The following TPP2 variants were observed in gnomAD, a reference collection of about 807,000 sequenced individuals.
The protein encoded by TPP2 is tripeptidyl peptidase 2, also known as tripeptidyl-peptidase 2.
TPP2 carries 34 observed loss-of-function variants against 155.9 expected under a neutral mutation model. The observed-to-expected ratio is 0.22, with a 90% CI of 0.17 to 0.29. TPP2 has a LOEUF of 0.29. TPP2 is among the 10% of genes least tolerant of loss of function. TPP2 has a pLI of 1.00. For missense variants in TPP2, 1,028 were observed against 1,522.3 expected (o/e 0.68, Z 5.40); for synonymous variants, 510 against 529.4 (o/e 0.96, Z 0.50).
At chr13:102,641,141 T>C (rs1384562538) in intron 16 of TPP2, among the ~76,000 whole-genome samples, 1 of 152,204 alleles carries the variant, frequency 6.6e-6, no homozygotes, top group African/African-American at 2.4e-5. Flanking sequence ...ATTAACATGT[T>C]ATAGTCCTGT....
In TPP2 at chr13:102,635,710, T is replaced by G; in HGVS notation, c.1509+8T>G. On this transcript the variant is annotated splice_region_variant and intron_variant, in intron 12 of 29. Transcript: ENST00000376052. The stretch of plus-strand genomic sequence containing the variant: ...GGACATGGTATTATTCAGGTATTGT[T>G]GCCTATATGAAAAATGGGTTGTAAA... The G allele has an allele frequency of 6.3e-7, 1 of 1,595,104 alleles. No homozygotes were observed. Among genetic ancestry groups the G allele is most frequent in the Non-Finnish European group, 8.6e-7 (1 of 1,165,232 alleles).
intron 20 of TPP2, 139 bp from the exon 21 acceptor site, chr13:102,647,068 C>G: frequency 9.4e-7 from 1 of 1,061,974 alleles, no homozygotes; most frequent in Non-Finnish European, 1.3e-6. Context: ...ACTGTGTGTT[C>G]TATATTTTCA....
At chr13:102,652,397 C>CATACATATAT (rs1883560553) in intron 24 of TPP2, among the ~76,000 whole-genome samples, 1 of 125,488 alleles carries the variant, frequency 8.0e-6, no homozygotes, top group Non-Finnish European at 1.8e-5. Flanking sequence ...AACATACATA[C>CATACATATAT]ATATATATAT....
intron 10 of TPP2, 51 bp from the exon 11 acceptor site, chr13:102,633,899 G>A: frequency 6.2e-7 from 1 of 1,609,280 alleles, no homozygotes; most frequent in South Asian, 1.1e-5. Flanking sequence ...AAATGCCCAT[G>A]TATGTTTAGC....
chr13:102,645,084 C>T (rs1009264756), intron 19 of TPP2, 75 bp downstream of exon 19: 29 of 1,315,468 alleles, frequency 2.2e-5, no homozygotes, highest in South Asian at 2.7e-5. Context: ...TAAAAAAGGG[C>T]CTTTTTTTTT....
chr13:102,672,739 G>A (rs544496745), intron 27 of TPP2, among the ~76,000 whole-genome samples: 289 of 152,280 alleles, frequency 1.9e-3, no homozygotes, highest in Non-Finnish European at 3.7e-3. Context: ...CTAAGAGGAG[G>A]GGGAAGGAGG....
chr13:102,643,489 A>G (rs755636388), intron 17 of TPP2, 113 bp downstream of exon 17: 3 of 1,123,538 alleles, frequency 2.7e-6, no homozygotes, highest in Admixed American at 4.1e-5. Flanking sequence ...TGTTGGGATT[A>G]TATATTTTTT....
At position 102,667,267 on chromosome 13, in the gene TPP2, T is replaced by C. The variant is rs539990709; in HGVS notation, c.3371+2342T>C. Among the ~76,000 whole-genome samples, 5 of 152,346 alleles carry C rather than the reference T, an allele frequency of 3.3e-5. No individual in the cohort carries two copies. The East Asian group carries it at 9.6e-4, about 29-fold the overall frequency. On this transcript the variant is annotated intron_variant, in intron 27 of 29. Transcript: ENST00000376052. The stretch of plus-strand genomic sequence containing the variant: ...TTTAGTTAAATTTAAACTGCACTTA[T>C]TTAGGCATTAAAATACTGATTCCAA...
intron 26 of TPP2, 78 bp downstream of exon 26, chr13:102,663,822 C>T: frequency 9.2e-7 from 1 of 1,082,718 alleles, no homozygotes; most frequent in Non-Finnish European, 1.3e-6. Flanking sequence ...AGTGCATTAT[C>T]TTTCTCTTCT....
chr13:102,599,896 G>A (rs765150780), intron 1 of TPP2, among the ~76,000 whole-genome samples: 10 of 151,412 alleles, frequency 6.6e-5, no homozygotes, highest in Non-Finnish European at 1.5e-4. Context: ...GACTAGACCA[G>A]AATATATGTA....
intron 27 of TPP2, among the ~76,000 whole-genome samples, chr13:102,671,977 C>T (rs1280088856): frequency 6.6e-6 from 1 of 152,158 alleles, no homozygotes; most frequent in Non-Finnish European, 1.5e-5. Context: ...TGAACAATTC[C>T]CTCGAACTTG....
intron 24 of TPP2, 49 bp from the exon 25 acceptor site, chr13:102,657,007 T>C (rs41281654): frequency 0.023 from 35,777 of 1,534,618 alleles, 527 homozygotes; most frequent in Non-Finnish European, 0.025. Context: ...GATTTTGATG[T>C]ATGTAAAATT....
chr13:102,662,967 CA>C (rs1489777339), intron 25 of TPP2, among the ~76,000 whole-genome samples: 4 of 151,942 alleles, frequency 2.6e-5, no homozygotes, highest in African/African-American at 9.7e-5. Flanking sequence ...AGATCTGAGA[CA>C]TTTTTAAATC....
At chr13:102,604,142 G>A (rs767904721) in intron 1 of TPP2, among the ~76,000 whole-genome samples, 5 of 152,150 alleles carry the variant, frequency 3.3e-5, no homozygotes, top group Non-Finnish European at 5.9e-5. Flanking sequence ...GAACTTTGTT[G>A]CGTTTGAGGT....
Position 102,604,822 on chromosome 13 carries a change from T to A in TPP2, c.195T>A (p.Val65=). ...CAACTGATGGAAAACCAAAAATCGT[T>A]GATATCATTGATACAACAGGAAGTG... ...QVTTDGKPKI[V]DIIDTTGSGD... The change falls in exon 2 of 30, where the codon GTT becomes GTA. Residue 65 remains valine, a synonymous_variant. Transcript: ENST00000376052. 1 of 1,611,976 alleles carries A rather than the reference T, an allele frequency of 6.2e-7. No individual in the cohort carries two copies. Among genetic ancestry groups the A allele is most frequent in the Non-Finnish European group, 8.5e-7 (1 of 1,179,576 alleles).
chr13:102,671,113 T>A (rs1033079881), intron 27 of TPP2, among the ~76,000 whole-genome samples: 3 of 152,210 alleles, frequency 2.0e-5, no homozygotes, highest in African/African-American at 7.2e-5. Flanking sequence ...TGATAACTGG[T>A]ATTTTAAACA....
intron 27 of TPP2, among the ~76,000 whole-genome samples, chr13:102,673,336 C>T (rs1235253724): frequency 6.6e-6 from 1 of 152,200 alleles, no homozygotes; most frequent in Non-Finnish European, 1.5e-5. Flanking sequence ...CAGAGTCACT[C>T]TTAGCTGTTA....
chr13:102,623,160 A>G (rs928908436), intron 6 of TPP2, 120 bp downstream of exon 6: 2 of 1,098,220 alleles, frequency 1.8e-6, no homozygotes, highest in South Asian at 1.6e-5. Flanking sequence ...CTAAAGGACT[A>G]GGTCCAGAAT....
At position 102,656,968 on chromosome 13, in the gene TPP2, A is replaced by G. The variant is rs1399675230; in HGVS notation, c.2992-88A>G. On this transcript the variant is annotated intron_variant, in intron 24 of 29. Transcript: ENST00000376052. ...GTGTAGTACAACTTAGGTGCAGCCCATGTTACATGACATGTAGCTGTTGAA... is the reference window on the plus strand; with the variant it reads ...GTGTAGTACAACTTAGGTGCAGCCCGTGTTACATGACATGTAGCTGTTGAA... 16 of 1,364,828 alleles carry G rather than the reference A, an allele frequency of 1.2e-5. No homozygotes were observed. In the East Asian group the frequency reaches 3.7e-4, roughly 32 times the overall value. The allele number at this position is 1,364,828 out of a possible 1,614,324, so 84.5% of individuals were successfully genotyped here.
Sources: gnomAD v4.1 joint callset for allele counts (sites outside exome capture counted in the v4.1 genomes callset) on GRCh38, gnomAD v4.1.1 for gene constraint, MANE v1.5 for transcripts, NCBI Gene and HGNC (gene_info 2026-07-23, HGNC 2026-07-21) for gene names.